Variants in FHIT observed in about 807,000 individuals in gnomAD.
FHIT encodes fragile histidine triad diadenosine triphosphatase, also known as bis(5'-adenosyl)-triphosphatase.
A neutral mutation model predicts 17.9 loss-of-function variants in FHIT; 19 were observed. That is an observed-to-expected ratio of 1.06 (90% CI 0.74 to 1.56). The LOEUF (loss-of-function observed/expected upper bound fraction) is 1.56. Ranked by LOEUF, FHIT falls within the 40% of genes most tolerant of loss-of-function variation. The pLI is 0.00. For synonymous variants in FHIT, 81 were observed against 69.7 expected, an observed-to-expected ratio of 1.16 and a Z score of -0.81; for missense variants, 248 against 189.2, an observed-to-expected ratio of 1.31 and a Z score of -1.82.
At chr3:60,444,696 T>TG (rs1038858626) in intron 5 of FHIT, among the ~76,000 whole-genome samples, 2 of 151,752 alleles carry the variant, frequency 1.3e-5, no homozygotes, top group African/African-American at 4.8e-5. Flanking sequence ...GGTCTGTTGT[T>TG]GGGTGGGGGG....
At chr3:60,723,678 T>C (rs2041857761) in intron 4 of FHIT, among the ~76,000 whole-genome samples, 1 of 152,220 alleles carries the variant, frequency 6.6e-6, no homozygotes, top group Non-Finnish European at 1.5e-5. Flanking sequence ...ACCTTTTCCC[T>C]ATGTTGATTT....
At chr3:59,750,762 G>A (rs1337826756) in intron 9 of FHIT, 1 of 213,412 alleles carries the variant, frequency 4.7e-6, no homozygotes, top group East Asian at 7.0e-5. Flanking sequence ...GGAGAGAAAG[G>A]CCAAGTGCAC....
intron 5 of FHIT, among the ~76,000 whole-genome samples, chr3:60,464,856 CTT>C (rs1385621079): frequency 6.6e-6 from 1 of 152,012 alleles, no homozygotes; most frequent in Non-Finnish European, 1.5e-5. Flanking sequence ...CACTGATTTC[CTT>C]TCTTTTGGGT....
At chr3:60,186,961 T>C (rs755949764) in intron 5 of FHIT, among the ~76,000 whole-genome samples, 44 of 152,282 alleles carry the variant, frequency 2.9e-4, no homozygotes, top group Non-Finnish European at 5.6e-4. Flanking sequence ...TAAAGCTTTG[T>C]GATTATTTTG....
chr3:61,242,271 AG>A (rs981316509), intron 1 of FHIT, among the ~76,000 whole-genome samples: 2 of 152,084 alleles, frequency 1.3e-5, no homozygotes, highest in African/African-American at 2.4e-5. Flanking sequence ...TAAGAACAGC[AG>A]ATTCAGAAAA....
intron 2 of FHIT, among the ~76,000 whole-genome samples, chr3:61,089,109 G>A (rs2035396671): frequency 6.6e-6 from 1 of 152,008 alleles, no homozygotes; most frequent in Non-Finnish European, 1.5e-5. Flanking sequence ...TTTTTGAGCA[G>A]GGAAAAAAAT....
At chr3:59,884,634 C>T (rs1251138442) in intron 8 of FHIT, among the ~76,000 whole-genome samples, 1 of 152,198 alleles carries the variant, frequency 6.6e-6, no homozygotes, top group Non-Finnish European at 1.5e-5. Flanking sequence ...AAAAGCAAGG[C>T]TACCAGATGG....
intron 1 of FHIT, among the ~76,000 whole-genome samples, chr3:61,227,110 AT>A (rs1192493527): frequency 6.6e-6 from 1 of 152,190 alleles, no homozygotes; most frequent in Non-Finnish European, 1.5e-5. Context: ...GAGCAGCCAG[AT>A]AAGAGGTGAG....
At chr3:60,403,547 C>T (rs1320729289) in intron 5 of FHIT, among the ~76,000 whole-genome samples, 2 of 152,148 alleles carry the variant, frequency 1.3e-5, no homozygotes, top group African/African-American at 4.8e-5. Context: ...TAATCCCTAC[C>T]ACCTTCCTGC....
intron 5 of FHIT, among the ~76,000 whole-genome samples, chr3:60,028,900 AG>A (rs1201279919): frequency 6.6e-6 from 1 of 151,960 alleles, no homozygotes; most frequent in African/African-American, 2.4e-5. Context: ...GAAAACACAA[AG>A]GATGAAATAT....
rs370431783 is a variant in FHIT at position 60,307,810 on chromosome 3, C to A, written c.103+229050G>T. ...CCTGGAGCTCAGATGCTGTCTGTGC[C>A]CAGACCCTCAAGGCAACCATGGCCA... On this transcript the variant is annotated intron_variant, in intron 5 of 9. Transcript: ENST00000492590. Among the ~76,000 whole-genome samples the A allele has an allele frequency of 6.8e-4, 104 of 151,830 alleles. 4 individuals carry two copies. The South Asian group carries it at 0.021, about 31-fold the overall frequency.
intron 1 of FHIT, among the ~76,000 whole-genome samples, chr3:61,204,949 T>C (rs1417566180): frequency 6.6e-6 from 1 of 151,584 alleles, no homozygotes; most frequent in East Asian, 1.9e-4. Context: ...GCATTAGGTA[T>C]ATCTCCTAAT....
At chr3:60,395,768 T>C (rs1701414217) in intron 5 of FHIT, among the ~76,000 whole-genome samples, 2 of 152,172 alleles carry the variant, frequency 1.3e-5, no homozygotes, top group Admixed American at 1.3e-4. Context: ...AGGGTTTCAT[T>C]TGCTTGGCAT....
intron 3 of FHIT, among the ~76,000 whole-genome samples, chr3:60,959,323 G>A (rs1709304321): frequency 1.3e-5 from 2 of 152,140 alleles, no homozygotes; most frequent in African/African-American, 2.4e-5. Context: ...TGCCCTTGAT[G>A]TCCCTTTGAA....
rs562805092 is a variant in FHIT at position 61,019,799 on chromosome 3, A to G, written c.-111+22248T>C. On this transcript the variant is annotated intron_variant, in intron 3 of 9. Coordinates refer to ENST00000492590, the MANE Select transcript of FHIT (RefSeq NM_002012.4). ...TTTCTTGTTCTATTCAAGTCAGACTACCTAGTCTCCAGGCACAATGGTAAA... is the reference window on the plus strand; with the variant it reads ...TTTCTTGTTCTATTCAAGTCAGACTGCCTAGTCTCCAGGCACAATGGTAAA... Among the ~76,000 whole-genome samples the G allele has an allele frequency of 9.2e-5, 14 of 152,310 alleles. No individual in the cohort carries two copies. In the East Asian group the frequency reaches 1.7e-3, roughly 19 times the overall value.
Position 60,532,229 on chromosome 3 carries a change from T to C in FHIT, c.103+4631A>G, listed in dbSNP as rs572487192. Among the ~76,000 whole-genome samples, 175 of 152,346 alleles carry C rather than the reference T, an allele frequency of 1.1e-3. 1 individual carries two copies. The highest frequency in any genetic ancestry group is 2.5e-3 in the South Asian group (12 of 4,826). On this transcript the variant is annotated intron_variant, in intron 5 of 9. Coordinates refer to ENST00000492590, the MANE Select transcript of FHIT (RefSeq NM_002012.4). ...CAAATGTTGCTGTGTCTCCCTCATG[T>C]TGCAGCTCCTTATGCCATTCAGAAT...
At chr3:60,351,973 G>A (rs149096289) in intron 5 of FHIT, among the ~76,000 whole-genome samples, 1 of 152,230 alleles carries the variant, frequency 6.6e-6, no homozygotes, top group Non-Finnish European at 1.5e-5. Context: ...AACATCCTGT[G>A]CAATCTCCAT....
chr3:60,744,258 C>CA (rs371224955), intron 4 of FHIT, among the ~76,000 whole-genome samples: 34 of 95,636 alleles, frequency 3.6e-4, no homozygotes, highest in South Asian at 7.0e-4. Context: ...AAAAAAAAAA[C>CA]AAAACAAAAC....
chr3:60,470,080 C>CTCTCTCTCTCTCTCTCTCT (rs370993192), intron 5 of FHIT, among the ~76,000 whole-genome samples: 11 of 151,102 alleles, frequency 7.3e-5, no homozygotes, highest in Admixed American at 2.0e-4. Context: ...CTCTCTCTCT[C>CTCTCTCTCTCTCTCTCTCT]CAGAGCTGCC....
Sources: gnomAD v4.1 joint callset for allele counts (sites outside exome capture counted in the v4.1 genomes callset) on GRCh38, gnomAD v4.1.1 for gene constraint, MANE v1.5 for transcripts, NCBI Gene and HGNC (gene_info 2026-07-23, HGNC 2026-07-21) for gene names.